The following ADAMTSL1 variants were observed in gnomAD, a reference collection of about 807,000 sequenced individuals.
ADAMTSL1 encodes the protein ADAMTS-like protein 1.
ADAMTSL1 carries 126 observed loss-of-function variants against 201.8 expected under a neutral mutation model. That is an observed-to-expected ratio of 0.62 (90% CI 0.54 to 0.72). ADAMTSL1 has a LOEUF of 0.72. Among genes scored for constraint, ADAMTSL1 ranks in the 30% least tolerant of loss-of-function variants. The pLI, the probability that ADAMTSL1 is intolerant of heterozygous loss-of-function variation, is 0.00. For missense variants in ADAMTSL1, 2,679 were observed against 2,277.8 expected, an observed-to-expected ratio of 1.18 and a Z score of -3.59; for synonymous variants, 1,121 against 903.4, an observed-to-expected ratio of 1.24 and a Z score of -4.32.
intron 2 of ADAMTSL1, among the ~76,000 whole-genome samples, chr9:18,175,394 G>GT (rs2132144777): frequency 6.6e-6 from 1 of 152,204 alleles, no homozygotes; most frequent in East Asian, 1.9e-4. Context: ...TATAATATTG[G>GT]TAACGATTAA....
intron 1 of ADAMTSL1, among the ~76,000 whole-genome samples, chr9:18,499,436 G>T (rs1822714558): frequency 1.3e-5 from 2 of 152,214 alleles, no homozygotes; most frequent in African/African-American, 4.8e-5. Context: ...GATTAGATAA[G>T]ATTTATAGAG....
intron 2 of ADAMTSL1, among the ~76,000 whole-genome samples, chr9:18,243,313 T>G (rs1469983888): frequency 6.6e-6 from 1 of 152,148 alleles, no homozygotes; most frequent in Non-Finnish European, 1.5e-5. Flanking sequence ...ATATTACTCC[T>G]TCTTCTCTTG....
intron 2 of ADAMTSL1, among the ~76,000 whole-genome samples, chr9:18,323,811 C>G (rs1834721092): frequency 6.6e-6 from 1 of 152,114 alleles, no homozygotes; most frequent in Non-Finnish European, 1.5e-5. Flanking sequence ...TCAGAAAGGA[C>G]TGCTTTGAGA....
chr9:18,820,360 G>A (rs1335566655), intron 21 of ADAMTSL1, among the ~76,000 whole-genome samples: 2 of 152,126 alleles, frequency 1.3e-5, no homozygotes, highest in African/African-American at 4.8e-5. Context: ...AGATACGGTT[G>A]TTGTTTTCTT....
At chr9:18,432,276 A>G (rs1819526935) in intron 2 of ADAMTSL1, among the ~76,000 whole-genome samples, 2 of 152,210 alleles carry the variant, frequency 1.3e-5, no homozygotes, top group Admixed American at 1.3e-4. Context: ...ATTGGCATTA[A>G]TATACTAGTT....
At chr9:18,216,109 G>C (rs193013107) in intron 2 of ADAMTSL1, among the ~76,000 whole-genome samples, 67 of 152,236 alleles carry the variant, frequency 4.4e-4, no homozygotes, top group African/African-American at 1.6e-3. Flanking sequence ...CTTGAACCAA[G>C]ATATGTCTCT....
chr9:17,937,731 C>T (rs533464160), intron 1 of ADAMTSL1, among the ~76,000 whole-genome samples: 1 of 152,116 alleles, frequency 6.6e-6, no homozygotes, highest in African/African-American at 2.4e-5. Context: ...CTCTCTCTTG[C>T]TTAAAATAAA....
intron 7 of ADAMTSL1, among the ~76,000 whole-genome samples, chr9:18,649,828 GGGGGTCA>G (rs1021273527): frequency 1.3e-5 from 2 of 152,164 alleles, no homozygotes; most frequent in African/African-American, 2.4e-5. Context: ...TAGGCTTCTT[GGGGGTCA>G]GGGGTCAGGG....
At chr9:18,685,897 A>C (rs1830801349) in intron 13 of ADAMTSL1, among the ~76,000 whole-genome samples, 2 of 151,972 alleles carry the variant, frequency 1.3e-5, no homozygotes, top group Non-Finnish European at 2.9e-5. Context: ...AAAAGGATGC[A>C]CACATTAGAA....
chr9:18,841,068 A>T (rs2131318105), intron 23 of ADAMTSL1, among the ~76,000 whole-genome samples: 1 of 149,094 alleles, frequency 6.7e-6, no homozygotes, highest in East Asian at 1.9e-4. Context: ...AACTTCCAAC[A>T]CTATGTTGAA....
chr9:18,675,373 A>T (rs1004210894), intron 9 of ADAMTSL1, among the ~76,000 whole-genome samples: 3 of 152,184 alleles, frequency 2.0e-5, no homozygotes, highest in African/African-American at 7.2e-5. Flanking sequence ...AACCTAGCTA[A>T]TGCAGTTACA....
chr9:18,352,732 T>C (rs987602706), intron 2 of ADAMTSL1, among the ~76,000 whole-genome samples: 4 of 152,206 alleles, frequency 2.6e-5, no homozygotes, highest in African/African-American at 9.7e-5. Context: ...TTTTATTTTT[T>C]ATTAGGCAAT....
chr9:17,913,952 C>T (rs1005259787), intron 1 of ADAMTSL1, among the ~76,000 whole-genome samples: 74 of 152,164 alleles, frequency 4.9e-4, no homozygotes, highest in Admixed American at 7.8e-4. Context: ...ACACATACAC[C>T]CTCCCAAGAC....
At chr9:18,874,526 T>C (rs1423008541) in intron 23 of ADAMTSL1, among the ~76,000 whole-genome samples, 1 of 152,146 alleles carries the variant, frequency 6.6e-6, no homozygotes, top group Non-Finnish European at 1.5e-5. Context: ...CAGGTGCTTT[T>C]TCTGCATCAA....
At chr9:18,748,598 T>C (rs1327097674) in intron 15 of ADAMTSL1, among the ~76,000 whole-genome samples, 3 of 152,168 alleles carry the variant, frequency 2.0e-5, no homozygotes, top group African/African-American at 7.2e-5. Flanking sequence ...TCCTGGGACC[T>C]TGAAGTTGGG....
chr9:18,239,643 G>A (rs1043603022), intron 2 of ADAMTSL1, among the ~76,000 whole-genome samples: 4 of 152,116 alleles, frequency 2.6e-5, no homozygotes, highest in Non-Finnish European at 4.4e-5. Context: ...AGCTACTCGG[G>A]AGGCTGAGGC....
chr9:17,955,550 C>T (rs1827896572), intron 1 of ADAMTSL1, among the ~76,000 whole-genome samples: 1 of 152,124 alleles, frequency 6.6e-6, no homozygotes, highest in African/African-American at 2.4e-5. Flanking sequence ...CAGAAATAAA[C>T]AATTCATATG....
intron 15 of ADAMTSL1, among the ~76,000 whole-genome samples, chr9:18,726,897 CT>C (rs929691690): frequency 6.6e-6 from 1 of 152,224 alleles, no homozygotes; most frequent in African/African-American, 2.4e-5. Context: ...TGCCCTCCCC[CT>C]GCCCCAGCCC....
At chr9:18,832,152 T>G (rs1473823280) in intron 23 of ADAMTSL1, among the ~76,000 whole-genome samples, 1 of 152,178 alleles carries the variant, frequency 6.6e-6, no homozygotes, top group South Asian at 2.1e-4. Context: ...AGCTTGTCCA[T>G]TCAGATTTGG....
Sources: gnomAD v4.1 joint callset for allele counts (sites outside exome capture counted in the v4.1 genomes callset) on GRCh38, gnomAD v4.1.1 for gene constraint, MANE v1.5 for transcripts, NCBI Gene and HGNC (gene_info 2026-07-23, HGNC 2026-07-21) for gene names.